Variants in NUMA1 observed in about 807,000 individuals in gnomAD.
NUMA1 encodes SP-H antigen.
A neutral mutation model predicts 237.1 loss-of-function variants in NUMA1; 62 were observed. The observed-to-expected ratio is 0.26, with a 90% confidence interval of 0.21 to 0.32. The LOEUF (loss-of-function observed/expected upper bound fraction) is 0.32, where lower values mean the gene tolerates loss of function less well. Ranked by LOEUF, NUMA1 falls within the 10% of genes least tolerant of loss-of-function variation. The pLI is 1.00. For synonymous variants in NUMA1, 1,028 were observed against 1,066.1 expected (o/e 0.96, Z 0.70); for missense variants, 2,533 against 2,666.5 (o/e 0.95, Z 1.10).
In NUMA1 at chr11:72,009,404, C is replaced by T. The variant is rs745839764; in HGVS notation, c.4720-17G>A. 6.3e-7 allele frequency: 1 copy of T among 1,589,150 alleles called. No individual in the cohort carries two copies. Among genetic ancestry groups the T allele is most frequent in the Non-Finnish European group, 8.5e-7 (1 of 1,172,418 alleles). The stretch of plus-strand genomic sequence containing the variant: ...CTGGACAGCCTGAGAAGAAAGGCCA[C>T]TCAGGAAAGCTGGTCTGGCCGCTCT... On this transcript the variant is annotated splice_polypyrimidine_tract_variant and intron_variant, in intron 17 of 26. Transcript: ENST00000393695.
rs1391952328 is a variant in NUMA1 at position 72,023,155 on chromosome 11, GACA to G, written c.209-11_209-9del. 9 of 1,604,664 alleles carry G rather than the reference GACA, an allele frequency of 5.6e-6. No individual in the cohort carries two copies. The highest frequency in any genetic ancestry group is 7.7e-6 in the Non-Finnish European group (9 of 1,172,138). On this transcript the variant is annotated splice_polypyrimidine_tract_variant and intron_variant, in intron 5 of 26. Transcript: ENST00000393695. ...AGGGATGTTTTCGATTTTCTGCAAT[GACA>G]ACAACGTAGAAAACAGGGTGAACTT... is the stretch of plus-strand genomic sequence containing the variant.
intron 13 of NUMA1, chr11:72,017,409 A>G: frequency 4.2e-6 from 2 of 479,964 alleles, no homozygotes; most frequent in Non-Finnish European, 7.7e-6. Context: ...TTAGAAAAAC[A>G]GACTGATTAA....
intron 12 of NUMA1, 177 bp downstream of exon 12, chr11:72,018,006 C>T: frequency 1.0e-6 from 1 of 979,252 alleles, no homozygotes; most frequent in Non-Finnish European, 1.5e-6. Flanking sequence ...GGGTCACAGC[C>T]CAGTACCCGG....
rs769008478 is a variant in NUMA1 at position 72,007,223 on chromosome 11, C to T, written c.5429G>A (p.Arg1810His). Residue 1810 changes from arginine (R) to histidine (H), a missense_variant, in exon 21 of 27, where the codon CGC becomes CAC. Coordinates refer to ENST00000393695, the MANE Select transcript of NUMA1 (RefSeq NM_006185.4). ...SGRKTRSARR[R>H]TTQIINITMT... ...GGTGATGTTGATGATCTGCGTGGTG[C>T]GCCGACGAGCGGAGCGGGTCTTACG... is the stretch of plus-strand genomic sequence containing the variant. 1.2e-5 allele frequency: 19 copies of T among 1,611,722 alleles called. No homozygotes were observed. The highest frequency in any genetic ancestry group is 1.2e-4 in the Admixed American group (7 of 59,988).
chr11:72,029,242 G>C lies in NUMA1; in HGVS notation c.91C>G (p.Gln31Glu). The C allele has an allele frequency of 6.2e-7, 1 of 1,611,038 alleles. No homozygotes were observed. The highest frequency in any genetic ancestry group is 8.5e-7 in the Non-Finnish European group (1 of 1,179,680). The part of the protein sequence containing the change: ...ADPVEAVLQL[Q>E]DCSIFIKIID... ...ATCTTGATGAAGATGCTGCAGTCCT[G>C]GAGCTGCAGCACAGCCTCCACAGGG... Residue 31 changes from glutamine to glutamate, a missense_variant, in exon 4 of 27, where the codon CAG becomes GAG. Gln to Glu is a conservative substitution (Grantham distance 29). Coordinates refer to ENST00000393695, the MANE Select transcript of NUMA1 (RefSeq NM_006185.4).
chr11:72,027,043 G>A (rs1269980173), intron 4 of NUMA1, among the ~76,000 whole-genome samples: 1 of 152,124 alleles, frequency 6.6e-6, no homozygotes, highest in Non-Finnish European at 1.5e-5. Flanking sequence ...TTTCCTAGCA[G>A]GTTATAAACC....
chr11:72,006,131 C>T lies in NUMA1; in HGVS notation c.5596G>A (p.Gly1866Ser), dbSNP rs1590859561. 3 of 1,614,112 alleles carry T rather than the reference C, an allele frequency of 1.9e-6. No homozygotes were observed. The highest frequency in any genetic ancestry group is 2.7e-5 in the African/African-American group (2 of 75,022). Residue 1866 changes from glycine to serine, a missense_variant, in exon 22 of 27, where the codon GGC becomes AGC. Physicochemically the swap from Gly to Ser is moderately conservative, Grantham distance 56. Around this residue, in one of 3 missense-constraint regions of NUMA1, gnomAD observed 795 missense variants for 750.8 expected, o/e 1.06. Coordinates refer to ENST00000393695, the MANE Select transcript of NUMA1 (RefSeq NM_006185.4). ...SLARLGSPDY[G>S]NSALLSLPGY... The stretch of plus-strand genomic sequence containing the variant: ...GGCAAGCTGAGCAGGGCTGAGTTGC[C>T]ATAATCGGGAGAACCCAGGCGAGCT...
chr11:72,072,140 C>G (rs1943479538), intron 1 of NUMA1: 1 of 152,628 alleles, frequency 6.6e-6, no homozygotes, highest in African/African-American at 2.4e-5. Flanking sequence ...AATTACCTCA[C>G]TCCTCATTGA....
At position 72,063,284 on chromosome 11, in the gene NUMA1, G is replaced by A. The variant is rs892323420; in HGVS notation, c.-33+6558C>T. On this transcript the variant is annotated intron_variant, in intron 2 of 26. Coordinates refer to ENST00000393695, the MANE Select transcript of NUMA1 (RefSeq NM_006185.4). ...TGTGGTCCCAGTTACTCGGGAGGCT[G>A]ATGTGAGAGGATCACTTGAACCCTG... 5.1e-4 allele frequency among the ~76,000 whole-genome samples: 78 copies of A among 152,290 alleles called. 2 individuals are homozygous for A. The highest frequency in any genetic ancestry group is 2.7e-3 in the Admixed American group (42 of 15,294).
intron 2 of NUMA1, among the ~76,000 whole-genome samples, chr11:72,047,362 C>T (rs1942060582): frequency 6.6e-6 from 1 of 151,980 alleles, no homozygotes; most frequent in Admixed American, 6.6e-5. Context: ...GTGGTGTGTG[C>T]CTGTAGTCCT....
At chr11:72,045,478 TTTG>T (rs1396868670) in intron 2 of NUMA1, among the ~76,000 whole-genome samples, 2 of 152,142 alleles carry the variant, frequency 1.3e-5, no homozygotes. Context: ...TGTTTGGGTT[TTTG>T]TTGTTTTTGT....
At chr11:72,056,976 G>C (rs1942689308) in intron 2 of NUMA1, among the ~76,000 whole-genome samples, 2 of 146,294 alleles carry the variant, frequency 1.4e-5, no homozygotes, top group Admixed American at 1.4e-4. Flanking sequence ...CTCAATTTCA[G>C]AGATAACAAA....
intron 2 of NUMA1, chr11:72,068,407 G>T (rs1943296091): frequency 6.6e-6 from 1 of 152,252 alleles, no homozygotes; most frequent in South Asian, 2.1e-4. Context: ...ATCGCTTGAG[G>T]TCAGGAGTTC....
chr11:72,058,490 A>G (rs1942781557), intron 2 of NUMA1, among the ~76,000 whole-genome samples: 1 of 152,146 alleles, frequency 6.6e-6, no homozygotes, highest in Admixed American at 6.5e-5. Context: ...GTGTTCACAT[A>G]TTTTTCTATT....
chr11:72,037,398 C>T (rs944452016), intron 2 of NUMA1, among the ~76,000 whole-genome samples: 4 of 152,150 alleles, frequency 2.6e-5, no homozygotes, highest in African/African-American at 9.6e-5. Flanking sequence ...CCCAGCTACT[C>T]GGGAGGCTGA....
At chr11:72,016,813 GA>G in intron 13 of NUMA1, 1 of 359,342 alleles carries the variant, frequency 2.8e-6, no homozygotes, top group Non-Finnish European at 5.1e-6. Context: ...CCCTTCCTCA[GA>G]TAAGTCTTGA....
chr11:72,079,037 C>T (rs1032788618), intron 1 of NUMA1, among the ~76,000 whole-genome samples: 2 of 152,160 alleles, frequency 1.3e-5, no homozygotes, highest in African/African-American at 4.8e-5. Context: ...GAGTGCCATT[C>T]CAGTAAAGAG....
chr11:72,012,288 C>T (rs989020323), intron 16 of NUMA1, 113 bp downstream of exon 16: 43 of 1,023,672 alleles, frequency 4.2e-5, no homozygotes, highest in Non-Finnish European at 6.3e-5. Context: ...ACCCTGCCCC[C>T]TTCACAAACA....
chr11:72,009,170 T>C lies in NUMA1; in HGVS notation c.4855A>G (p.Thr1619Ala). ...TGCTGCTTCTTGGCATCATAATGTG[T>C]TTTGGCTTTCTCCATCTGTGGGCAG... Reference protein sequence around the residue: ...HYKLQMEKAKTHYDAKKQQNQ... With the variant: ...HYKLQMEKAKAHYDAKKQQNQ... The change falls in exon 19 of 27, where the codon ACA (threonine) becomes GCA (alanine). Residue 1619 changes from threonine (T) to alanine (A), a missense_variant. Thr to Ala is a moderately conservative substitution (Grantham distance 58). Transcript: ENST00000393695. 6.9e-7 allele frequency: 1 copy of C among 1,454,684 alleles called. No homozygotes were observed. The highest frequency in any genetic ancestry group is 9.2e-7 in the Non-Finnish European group (1 of 1,083,470). 90.1% of individuals were successfully genotyped at this position (1,454,684 alleles called of 1,614,324 possible).
Sources: allele counts gnomAD v4.1 joint callset (sites outside exome capture counted in the v4.1 genomes callset), GRCh38; gene constraint gnomAD v4.1.1; regional missense constraint gnomAD v4.1.1; transcripts MANE v1.5; gene names NCBI Gene and HGNC (gene_info 2026-07-23, HGNC 2026-07-21).